ZBTB16: variants seen among roughly 807,000 people sequenced by gnomAD.
The protein encoded by ZBTB16 is zinc finger and BTB domain-containing protein 16.
Under a neutral mutation model 56.8 loss-of-function variants are expected in ZBTB16, and 8 were observed. That is an observed-to-expected ratio of 0.14 (90% CI 0.08 to 0.25). ZBTB16 has a LOEUF of 0.25. ZBTB16 is among the 10% of genes least tolerant of loss of function. The pLI is 1.00. For synonymous variants in ZBTB16, 363 were observed against 368.5 expected (o/e 0.98, Z 0.17); for missense variants, 625 against 903.0 (o/e 0.69, Z 3.95).
chr11:114,114,544 T>C (rs2852790), intron 2 of ZBTB16, among the ~76,000 whole-genome samples: 1 of 152,228 alleles, frequency 6.6e-6, no homozygotes, highest in Non-Finnish European at 1.5e-5. Context: ...TATCAAAAAG[T>C]TCTTTCCAGG....
intron 2 of ZBTB16, among the ~76,000 whole-genome samples, chr11:114,073,829 G>T (rs182829900): frequency 6.6e-6 from 1 of 152,242 alleles, no homozygotes; most frequent in South Asian, 2.1e-4. Flanking sequence ...GGGCCATTCG[G>T]TTCCCCCAGA....
chr11:114,078,575 G>A (rs1053936461), intron 2 of ZBTB16, among the ~76,000 whole-genome samples: 1 of 152,066 alleles, frequency 6.6e-6, no homozygotes, highest in South Asian at 2.1e-4. Context: ...TAATGTTTGC[G>A]GATCGCAGAG....
intron 4 of ZBTB16, chr11:114,209,769 C>T (rs1416851161): frequency 1.0e-6 from 1 of 985,436 alleles, no homozygotes; most frequent in Non-Finnish European, 1.2e-6. Flanking sequence ...CAGGAGTACA[C>T]CACAGCCCAG....
chr11:114,105,244 C>CT (rs560912055), intron 2 of ZBTB16, among the ~76,000 whole-genome samples: 175 of 145,832 alleles, frequency 1.2e-3, no homozygotes, highest in South Asian at 7.3e-3. Context: ...CTCTCTCTCT[C>CT]TTTTTTTTTT....
chr11:114,142,786 G>A (rs371345804), intron 2 of ZBTB16, among the ~76,000 whole-genome samples: 7 of 152,032 alleles, frequency 4.6e-5, no homozygotes, highest in African/African-American at 1.7e-4. Context: ...GGATTGTGGA[G>A]GAGAAAGCTT....
intron 2 of ZBTB16, among the ~76,000 whole-genome samples, chr11:114,127,810 A>G (rs946816587): frequency 6.6e-6 from 1 of 152,158 alleles, no homozygotes; most frequent in Admixed American, 6.5e-5. Context: ...CTGATGCCAT[A>G]TGTGCTTCCT....
At chr11:114,128,183 C>T (rs1226411262) in intron 2 of ZBTB16, among the ~76,000 whole-genome samples, 4 of 152,186 alleles carry the variant, frequency 2.6e-5, no homozygotes, top group Admixed American at 6.5e-5. Flanking sequence ...CAGCCATGGG[C>T]GAGAAGCCAC....
At chr11:114,127,788 T>C (rs915319035) in intron 2 of ZBTB16, among the ~76,000 whole-genome samples, 1 of 152,196 alleles carries the variant, frequency 6.6e-6, no homozygotes, top group Non-Finnish European at 1.5e-5. Context: ...CTATGCAGAC[T>C]CTGATTCCCA....
At chr11:114,237,310 G>C (rs1944612462) in intron 4 of ZBTB16, 1 of 152,262 alleles carries the variant, frequency 6.6e-6, no homozygotes, top group Non-Finnish European at 1.5e-5. Flanking sequence ...AATGGATCTG[G>C]TGAAAAGAAT....
chr11:114,196,183 C>T (rs1247627567), intron 4 of ZBTB16, among the ~76,000 whole-genome samples: 1 of 152,204 alleles, frequency 6.6e-6, no homozygotes, highest in Non-Finnish European at 1.5e-5. Context: ...CGAGACTAAG[C>T]AGGTGTACCA....
intron 2 of ZBTB16, among the ~76,000 whole-genome samples, chr11:114,107,185 G>A (rs983510114): frequency 3.9e-5 from 6 of 152,130 alleles, no homozygotes; most frequent in African/African-American, 1.4e-4. Context: ...AGTGACTTGC[G>A]CAAGGTCACG....
rs554178005 is a variant in ZBTB16, at chr11:114,143,884, T to A, written c.1269-12453T>A. ...CCGTGAGACTGAAAGTGTGGATGTTTCCAGAGAGCCGCTGCTTGGCCTCTG... is the reference window on the plus strand; with the variant it reads ...CCGTGAGACTGAAAGTGTGGATGTTACCAGAGAGCCGCTGCTTGGCCTCTG... On this transcript the variant is annotated intron_variant, in intron 2 of 6. Transcript: ENST00000335953. The surrounding 1 kb of genome is among the most constrained non-coding windows in gnomAD (Gnocchi z 6.4). Among the ~76,000 whole-genome samples the A allele has an allele frequency of 1.3e-5, 2 of 152,260 alleles. No homozygotes were observed. Among genetic ancestry groups the A allele is most frequent in the East Asian group, 3.9e-4 (2 of 5,172 alleles).
chr11:114,154,384 T>C (rs1425620122), intron 2 of ZBTB16, among the ~76,000 whole-genome samples: 1 of 152,184 alleles, frequency 6.6e-6, no homozygotes, highest in Non-Finnish European at 1.5e-5. Context: ...CATGACTGTG[T>C]GCGAGTTCAC....
chr11:114,232,783 G>A (rs972730385), intron 4 of ZBTB16, among the ~76,000 whole-genome samples: 2 of 152,178 alleles, frequency 1.3e-5, no homozygotes, highest in African/African-American at 2.4e-5. Context: ...CCGGGCCTGC[G>A]CACTGGCCAG....
rs540442498 is a variant in ZBTB16 at position 114,136,456 on chromosome 11, A to G, written c.1269-19881A>G. Among the ~76,000 whole-genome samples the G allele has an allele frequency of 2.4e-4, 37 of 152,308 alleles. No individual in the cohort carries two copies. The East Asian group carries it at 6.9e-3, about 29-fold the overall frequency. ...AGTAGGAAAGAGCATCTTATTTTACAGATGGGGAAACTGAGGCCTAGAGAG... is the reference window on the plus strand; with the variant it reads ...AGTAGGAAAGAGCATCTTATTTTACGGATGGGGAAACTGAGGCCTAGAGAG... On this transcript the variant is annotated intron_variant, in intron 2 of 6. Transcript: ENST00000335953.
chr11:114,230,735 TC>T, intron 4 of ZBTB16, among the ~76,000 whole-genome samples: 1 of 152,168 alleles, frequency 6.6e-6, no homozygotes, highest in East Asian at 1.9e-4. Flanking sequence ...GGGTAGTTTT[TC>T]TTTTCATTGC....
Position 114,059,914 on chromosome 11 carries a change from C to T in ZBTB16, c.-91+32C>T. ...GAGGGGCCGGGAAGAGGCGCACCGC[C>T]CAGCGAGCGCCGCGCGCCGGGGCTT... On this transcript the variant is annotated intron_variant, in intron 1 of 6. Coordinates refer to ENST00000335953, the MANE Select transcript of ZBTB16 (RefSeq NM_006006.6). The surrounding 1 kb of genome is among the most constrained non-coding windows in gnomAD (Gnocchi z 5.3). 1 of 396,196 alleles carries T rather than the reference C, an allele frequency of 2.5e-6. No individual in the cohort carries two copies. The highest frequency in any genetic ancestry group is 4.4e-5 in the Admixed American group (1 of 22,656). The allele number at this position is 396,196 out of a possible 1,614,324, so 24.5% of individuals were successfully genotyped here.
Position 114,059,755 on chromosome 11 carries a change from C to T in ZBTB16, c.-218C>T, listed in dbSNP as rs1275558020. 5.0e-6 allele frequency: 2 copies of T among 398,274 alleles called. No individual in the cohort carries two copies. The highest frequency in any genetic ancestry group is 4.4e-5 in the Admixed American group (1 of 22,716). The allele number at this position is 398,274 out of a possible 1,614,324, so 24.7% of individuals were successfully genotyped here. On this transcript the variant is annotated 5_prime_UTR_variant, in exon 1 of 7. Coordinates refer to ENST00000335953, the MANE Select transcript of ZBTB16 (RefSeq NM_006006.6). The surrounding 1 kb of genome is among the most constrained non-coding windows in gnomAD (Gnocchi z 5.3). ...CGATGAGAGCGGGTACTGCGAACTG[C>T]CGGGCGATGCTGTCGCTGCCGCCGT...
In ZBTB16 at chr11:114,176,384, T is replaced by C. The variant is rs181572234; in HGVS notation, c.1367-10568T>C. 9.9e-5 allele frequency among the ~76,000 whole-genome samples: 15 copies of C among 152,282 alleles called. No individual in the cohort carries two copies. The East Asian group carries it at 2.9e-3, about 29-fold the overall frequency. ...TCTATCTCTCTTAAACAAAACAAAGTTATGAACACTTGAAAGCCCAGGTAT... is the reference window on the plus strand; with the variant it reads ...TCTATCTCTCTTAAACAAAACAAAGCTATGAACACTTGAAAGCCCAGGTAT... On this transcript the variant is annotated intron_variant, in intron 3 of 6. Coordinates refer to ENST00000335953, the MANE Select transcript of ZBTB16 (RefSeq NM_006006.6).
Sources: allele counts gnomAD v4.1 joint callset (sites outside exome capture counted in the v4.1 genomes callset), GRCh38; gene constraint gnomAD v4.1.1; non-coding constraint Gnocchi (gnomAD v3.1); transcripts MANE v1.5; gene names NCBI Gene and HGNC (gene_info 2026-07-23, HGNC 2026-07-21).